GRIA4: variants seen among roughly 807,000 people sequenced by gnomAD.
The protein encoded by GRIA4 is glutamate receptor 4.
Under a neutral mutation model 104.0 loss-of-function variants are expected in GRIA4, and 34 were observed. That is an observed-to-expected ratio of 0.33 (90% CI 0.25 to 0.44). The LOEUF is 0.44. Among genes scored for constraint, GRIA4 ranks in the 20% least tolerant of loss-of-function variants. The probability of loss-of-function intolerance (pLI) is 1.00; values close to 1 mark genes in which losing one functional copy is unlikely to be tolerated. For missense variants in GRIA4, 750 were observed against 1,096.5 expected (o/e 0.68, Z 4.46); for synonymous variants, 386 against 381.9 (o/e 1.01, Z -0.13).
At chr11:105,696,622 A>G (rs1192161577) in intron 3 of GRIA4, among the ~76,000 whole-genome samples, 3 of 152,212 alleles carry the variant, frequency 2.0e-5, no homozygotes, top group East Asian at 1.9e-4. Context: ...ATCATTTGCT[A>G]GATACCATTT....
chr11:105,700,432 C>G (rs1953446261), intron 3 of GRIA4, among the ~76,000 whole-genome samples: 1 of 152,174 alleles, frequency 6.6e-6, no homozygotes, highest in South Asian at 2.1e-4. Flanking sequence ...TAGTTCCAAT[C>G]CCATGTGGCC....
At chr11:105,817,938 A>C (rs1943442786) in intron 4 of GRIA4, among the ~76,000 whole-genome samples, 1 of 152,136 alleles carries the variant, frequency 6.6e-6, no homozygotes, top group Non-Finnish European at 1.5e-5. Context: ...TGAAGCAAGC[A>C]CCTACACAAA....
At chr11:105,618,537 T>C (rs1950658700) in intron 3 of GRIA4, among the ~76,000 whole-genome samples, 1 of 151,958 alleles carries the variant, frequency 6.6e-6, no homozygotes, top group African/African-American at 2.4e-5. Context: ...TTTTTCAGCC[T>C]TCTGGCTTGG....
chr11:105,807,717 G>GT (rs1009394063), intron 4 of GRIA4, among the ~76,000 whole-genome samples: 30 of 151,086 alleles, frequency 2.0e-4, no homozygotes, highest in Non-Finnish European at 3.4e-4. Flanking sequence ...GTTTGCTTGT[G>GT]TTTTTTTTCT....
At chr11:105,620,554 G>T (rs1264969189) in intron 3 of GRIA4, among the ~76,000 whole-genome samples, 1 of 151,714 alleles carries the variant, frequency 6.6e-6, no homozygotes, top group Non-Finnish European at 1.5e-5. Context: ...ATTTCAAGAT[G>T]TTTTTCTTAA....
intron 4 of GRIA4, among the ~76,000 whole-genome samples, chr11:105,843,503 C>T (rs1296011497): frequency 6.6e-6 from 1 of 152,194 alleles, no homozygotes; most frequent in African/African-American, 2.4e-5. Flanking sequence ...TACATTCTGT[C>T]AAACCAACTG....
chr11:105,899,315 AT>A (rs1306161140), intron 7 of GRIA4, among the ~76,000 whole-genome samples: 1 of 152,220 alleles, frequency 6.6e-6, no homozygotes, highest in African/African-American at 2.4e-5. Flanking sequence ...CATTAAATGG[AT>A]GTCCACTATG....
At chr11:105,790,760 T>G (rs1221168561) in intron 4 of GRIA4, among the ~76,000 whole-genome samples, 1 of 152,186 alleles carries the variant, frequency 6.6e-6, no homozygotes, top group Non-Finnish European at 1.5e-5. Context: ...ATTTGATATA[T>G]CAGAAAAGTT....
intron 6 of GRIA4, among the ~76,000 whole-genome samples, chr11:105,892,622 A>G (rs1313133439): frequency 1.3e-5 from 2 of 152,128 alleles, no homozygotes; most frequent in African/African-American, 2.4e-5. Flanking sequence ...AGTCTAGCAC[A>G]TTTTTATTGA....
rs1053432995 is a variant in GRIA4 at position 105,916,342 on chromosome 11, C to A, written c.1270-2370C>A. 2.0e-5 allele frequency among the ~76,000 whole-genome samples: 3 copies of A among 152,136 alleles called. No homozygotes were observed. The South Asian group carries it at 6.2e-4, about 32-fold the overall frequency. Reference sequence around the variant, plus strand: ...AATGCCTACCTCAATGTGCCAGTGTCAAAAGTAAATGAAAAGACATGAAGA... The same window carrying A: ...AATGCCTACCTCAATGTGCCAGTGTAAAAAGTAAATGAAAAGACATGAAGA... On this transcript the variant is annotated intron_variant, in intron 10 of 16. Coordinates refer to ENST00000282499, the MANE Select transcript of GRIA4 (RefSeq NM_000829.4).
chr11:105,838,056 A>G (rs1355046751), intron 4 of GRIA4, among the ~76,000 whole-genome samples: 1 of 151,908 alleles, frequency 6.6e-6, no homozygotes, highest in East Asian at 1.9e-4. Context: ...TGATCATTAA[A>G]ATAAAACTGA....
At chr11:105,653,820 T>G (rs1468323158) in intron 3 of GRIA4, among the ~76,000 whole-genome samples, 1 of 151,082 alleles carries the variant, frequency 6.6e-6, no homozygotes, top group African/African-American at 2.4e-5. Flanking sequence ...ACTTAAGTCT[T>G]GAAGAATGAA....
chr11:105,954,597 A>G (rs1314213983), intron 14 of GRIA4, among the ~76,000 whole-genome samples: 1 of 152,140 alleles, frequency 6.6e-6, no homozygotes, highest in Non-Finnish European at 1.5e-5. Context: ...TCAGACTAAG[A>G]TCAAAATGAA....
chr11:105,887,641 TTAAA>T, intron 6 of GRIA4, 69 bp downstream of exon 6: 1 of 759,764 alleles, frequency 1.3e-6, no homozygotes, highest in Non-Finnish European at 2.3e-6. Context: ...TAACTGTGCC[TTAAA>T]TAATGCTTCA....
chr11:105,853,353 A>G (rs1417486384), intron 4 of GRIA4, among the ~76,000 whole-genome samples: 1 of 152,174 alleles, frequency 6.6e-6, no homozygotes, highest in Non-Finnish European at 1.5e-5. Flanking sequence ...AATAAAGATT[A>G]TGAAAATTGG....
chr11:105,795,071 T>A (rs1391228947), intron 4 of GRIA4, among the ~76,000 whole-genome samples: 1 of 152,162 alleles, frequency 6.6e-6, no homozygotes, highest in Non-Finnish European at 1.5e-5. Context: ...TTTTAATACT[T>A]TGAAATTGAA....
At chr11:105,635,974 T>C (rs561105223) in intron 3 of GRIA4, among the ~76,000 whole-genome samples, 8 of 152,316 alleles carry the variant, frequency 5.3e-5, no homozygotes, top group African/African-American at 1.9e-4. Context: ...GAGAGCTGAA[T>C]ATTTCATATG....
intron 4 of GRIA4, among the ~76,000 whole-genome samples, chr11:105,844,746 G>C (rs1268356378): frequency 6.6e-6 from 1 of 152,118 alleles, no homozygotes; most frequent in Non-Finnish European, 1.5e-5. Flanking sequence ...TACTGCTGCT[G>C]CTGCTACCAT....
intron 4 of GRIA4, among the ~76,000 whole-genome samples, chr11:105,781,651 A>G (rs1478743751): frequency 6.6e-6 from 1 of 152,124 alleles, no homozygotes; most frequent in East Asian, 1.9e-4. Flanking sequence ...TATTCGTTCA[A>G]TTTATAGGTC....
Sources: allele counts gnomAD v4.1 joint callset (sites outside exome capture counted in the v4.1 genomes callset), GRCh38; gene constraint gnomAD v4.1.1; transcripts MANE v1.5; gene names NCBI Gene and HGNC (gene_info 2026-07-23, HGNC 2026-07-21).